Variants in CPZ observed in about 807,000 individuals in gnomAD.
The protein encoded by CPZ is VEZT/CPZ fusion.
A neutral mutation model predicts 61.8 loss-of-function variants in CPZ; 103 were observed. The observed-to-expected ratio is 1.67, with a 90% CI of 1.42 to 1.96. The LOEUF (loss-of-function observed/expected upper bound fraction) is 1.96. Among genes scored for constraint, CPZ ranks in the 30% most tolerant of loss-of-function variants. The pLI, the probability that CPZ is intolerant of heterozygous loss-of-function variation, is 0.00. For synonymous variants in CPZ, 551 were observed against 373.7 expected (o/e 1.47, Z -5.47); for missense variants, 1,461 against 914.9 (o/e 1.60, Z -7.70).
At chr4:8,611,083 CTCAT>C (rs890550901) in intron 7 of CPZ, 5 of 380,988 alleles carry the variant, frequency 1.3e-5, no homozygotes, top group African/African-American at 9.2e-5. Flanking sequence ...CATTCATTCG[CTCAT>C]TCACTCACTC....
At chr4:8,598,828 C>T (rs1385263139) in intron 1 of CPZ, among the ~76,000 whole-genome samples, 1 of 152,184 alleles carries the variant, frequency 6.6e-6, no homozygotes, top group Non-Finnish European at 1.5e-5. Context: ...AGAAAGGGCC[C>T]TCGAAACCCC....
At chr4:8,619,196 C>A in intron 10 of CPZ, 66 bp from the exon 11 acceptor site, 2 of 1,368,148 alleles carry the variant, frequency 1.5e-6, no homozygotes, top group Non-Finnish European at 1.0e-6. Flanking sequence ...TCATATCCAT[C>A]ACCCATCACC....
chr4:8,605,553 C>T (rs1313209067), intron 4 of CPZ, among the ~76,000 whole-genome samples: 1 of 147,984 alleles, frequency 6.8e-6, no homozygotes, highest in Non-Finnish European at 1.5e-5. Context: ...TCCATTCATC[C>T]ATCATTGATA....
At chr4:8,598,006 C>T (rs1714305653) in intron 1 of CPZ, among the ~76,000 whole-genome samples, 1 of 152,222 alleles carries the variant, frequency 6.6e-6, no homozygotes. Flanking sequence ...TCCATGTTCC[C>T]TGCCAGCTTG....
intron 7 of CPZ, among the ~76,000 whole-genome samples, chr4:8,610,266 A>G (rs1299372096): frequency 6.6e-6 from 1 of 152,146 alleles, no homozygotes; most frequent in African/African-American, 2.4e-5. Flanking sequence ...CTCTGGACCG[A>G]CAGCTCCTCT....
chr4:8,619,439 G>A lies in CPZ; in HGVS notation c.1781G>A (p.Gly594Glu). ...ATGGGACCCAAGAACTTTATTCATG[G>A]GCTGCGGAGGACTGGGCCCCACGAC... ...LGMGPKNFIH[G>E]LRRTGPHDPL... The change falls in exon 11 of 11, where the codon GGG (glycine) becomes GAG (glutamate). Residue 594 changes from glycine (G) to glutamate (E), a missense_variant. By Grantham distance (98) the Gly-to-Glu change is moderately conservative. Coordinates refer to ENST00000360986, the MANE Select transcript of CPZ (RefSeq NM_001014447.3). The A allele has an allele frequency of 1.2e-6, 2 of 1,613,758 alleles. No homozygotes were observed. The highest frequency in any genetic ancestry group is 1.7e-6 in the Non-Finnish European group (2 of 1,179,866).
chr4:8,599,487 T>C lies in CPZ; in HGVS notation c.121+2T>C, dbSNP rs1275118092. On this transcript the variant is annotated splice_donor_variant, in intron 2 of 10. Coordinates refer to ENST00000360986, the MANE Select transcript of CPZ (RefSeq NM_001014447.3). LOFTEE classifies it high-confidence loss of function. The stretch of plus-strand genomic sequence containing the variant: ...ACAGGCCACCAGCTGCAGACAGCGG[T>C]ACAGTACCGGGACCTCCCTGGCTTC... 1.2e-6 allele frequency: 2 copies of C among 1,613,716 alleles called. No homozygotes were observed. Among genetic ancestry groups the C allele is most frequent in the African/African-American group, 1.3e-5 (1 of 74,928 alleles).
chr4:8,616,182 G>C (rs1459425792), intron 9 of CPZ, among the ~76,000 whole-genome samples: 1 of 152,212 alleles, frequency 6.6e-6, no homozygotes, highest in Non-Finnish European at 1.5e-5. Context: ...AGACCTGGGC[G>C]CGGGCTCCTG....
At chr4:8,607,520 A>G in intron 7 of CPZ, 95 bp downstream of exon 7, 1 of 1,427,178 alleles carries the variant, frequency 7.0e-7, no homozygotes, top group Middle Eastern at 1.8e-4. Flanking sequence ...AGTGAAGGCA[A>G]AGCTCCTAGG....
chr4:8,601,761 T>A (rs73088284), intron 3 of CPZ, among the ~76,000 whole-genome samples: 4,470 of 151,552 alleles, frequency 0.029, 210 homozygotes, highest in African/African-American at 0.093. Context: ...CAGGCTGGGG[T>A]GGAAGGGTGC....
At chr4:8,609,099 CT>C (rs1715333215) in intron 7 of CPZ, among the ~76,000 whole-genome samples, 1 of 33,350 alleles carries the variant, frequency 3.0e-5, no homozygotes, top group Non-Finnish European at 6.6e-5. Flanking sequence ...CATTCACTCA[CT>C]CACTCCCTTC....
Position 8,609,071 on chromosome 4 carries a change from A to C in CPZ, c.1227+1646A>C, listed in dbSNP as rs796468015. Among the ~76,000 whole-genome samples the C allele has an allele frequency of 4.5e-3, 401 of 89,280 alleles. 4 individuals carry two copies. Among genetic ancestry groups the C allele is most frequent in the African/African-American group, 0.02 (340 of 17,198 alleles). 58.6% of individuals were successfully genotyped at this position (89,280 alleles called of 152,430 possible). ...CCCTCCCTCCCTCACTCCCTCACTC[A>C]CCACTCATACATTCACCCATTCACT... On this transcript the variant is annotated intron_variant, in intron 7 of 10. Coordinates refer to ENST00000360986, the MANE Select transcript of CPZ (RefSeq NM_001014447.3).
At chr4:8,619,187 C>T (rs927597917) in intron 10 of CPZ, 75 bp from the exon 11 acceptor site, 27 of 1,319,376 alleles carry the variant, frequency 2.0e-5, no homozygotes, top group Non-Finnish European at 1.9e-5. Context: ...TCTCCCCACT[C>T]ATATCCATCA....
rs112822922 is a variant in CPZ at position 8,607,314 on chromosome 4, C to G, written c.1116C>G (p.Pro372=). 1.9e-6 allele frequency: 3 copies of G among 1,614,134 alleles called. No homozygotes were observed. The highest frequency in any genetic ancestry group is 2.7e-5 in the African/African-American group (2 of 75,044). ...TCATGAAGTGGATGCAGACCATACC[C>G]TTTGTGCTCTCAGCCAGCCTTCATG... is the stretch of plus-strand genomic sequence containing the variant. The part of the protein sequence containing the change: ...KAIMKWMQTI[P]FVLSASLHGG... Residue 372 remains proline, a synonymous_variant, in exon 7 of 11, where the codon CCC becomes CCG. Transcript: ENST00000360986.
rs28421391 is a variant in CPZ, at chr4:8,604,133, C to T, written c.654C>T (p.Asp218=). 0.019 allele frequency: 30,510 copies of T among 1,591,652 alleles called. 3,851 individuals carry two copies. The African/African-American group carries it at 0.31, about 16-fold the overall frequency. ...ARTYSIGRSF[D]GRELLVIEFS... is the part of the protein sequence containing the mutation. ...CCTACAGCATCGGGCGCAGCTTCGA[C>T]GGCAGGGAGCTGCTGGTCATCGAGT... Residue 218 remains aspartate (D), a synonymous_variant, in exon 4 of 11, where the codon GAC becomes GAT. Coordinates refer to ENST00000360986, the MANE Select transcript of CPZ (RefSeq NM_001014447.3).
chr4:8,614,592 G>GC, intron 9 of CPZ, 94 bp downstream of exon 9: 1 of 1,336,802 alleles, frequency 7.5e-7, no homozygotes, highest in Non-Finnish European at 1.0e-6. Flanking sequence ...TAGCCTCACT[G>GC]CCCCATACAC....
In CPZ at chr4:8,618,632, C is replaced by G. The variant is rs1716417302; in HGVS notation, c.1603+104C>G. ...CACTCACAGTGTGCCCAGCCCTCAG[C>G]AGGATGGCTCCATTCCTCCCCAGGC... On this transcript the variant is annotated intron_variant, in intron 10 of 10. Transcript: ENST00000360986. The G allele has an allele frequency of 3.7e-6, 4 of 1,075,576 alleles. No individual in the cohort carries two copies. The African/African-American group carries it at 4.7e-5, about 13-fold the overall frequency. The allele number at this position is 1,075,576 out of a possible 1,614,324, so 66.6% of individuals were successfully genotyped here.
chr4:8,597,048 G>A (rs10034521), intron 1 of CPZ, among the ~76,000 whole-genome samples: 9,871 of 152,272 alleles, frequency 0.065, 995 homozygotes, highest in African/African-American at 0.21. Flanking sequence ...AGGGAGTGGA[G>A]CAGGGGTGCT....
intron 1 of CPZ, among the ~76,000 whole-genome samples, chr4:8,597,047 A>T (rs924442716): frequency 2.0e-5 from 3 of 152,148 alleles, no homozygotes; most frequent in Non-Finnish European, 4.4e-5. Flanking sequence ...CAGGGAGTGG[A>T]GCAGGGGTGC....
Sources: gnomAD v4.1 joint callset for allele counts (sites outside exome capture counted in the v4.1 genomes callset) on GRCh38, gnomAD v4.1.1 for gene constraint, MANE v1.5 for transcripts, NCBI Gene and HGNC (gene_info 2026-07-23, HGNC 2026-07-21) for gene names.